The following CNOT6L variants were observed in gnomAD, a reference collection of about 807,000 sequenced individuals.
The protein encoded by CNOT6L is CCR4-NOT transcription complex subunit 6 like.
A neutral mutation model predicts 64.0 loss-of-function variants in CNOT6L; 7 were observed. That is an observed-to-expected ratio of 0.11 (90% CI 0.06 to 0.21). CNOT6L has a LOEUF of 0.21. Ranked by LOEUF, CNOT6L falls within the 10% of genes least tolerant of loss-of-function variation. CNOT6L has a pLI of 1.00. For missense variants in CNOT6L, 245 were observed against 669.0 expected, an observed-to-expected ratio of 0.37 and a Z score of 6.99; for synonymous variants, 193 against 243.4, an observed-to-expected ratio of 0.79 and a Z score of 1.93.
intron 9 of CNOT6L, among the ~76,000 whole-genome samples, chr4:77,731,041 C>G (rs1048779006): frequency 6.6e-6 from 1 of 152,012 alleles, no homozygotes. Flanking sequence ...CACACTCAAG[C>G]TAAAAATATA....
intron 1 of CNOT6L, among the ~76,000 whole-genome samples, chr4:77,779,287 C>A (rs1728578491): frequency 6.6e-6 from 1 of 151,888 alleles, no homozygotes; most frequent in Non-Finnish European, 1.5e-5. Context: ...AATCTGCCAC[C>A]TTCCTCCCTT....
chr4:77,736,228 T>C lies in CNOT6L; in HGVS notation c.873-4690A>G, dbSNP rs141787661. Among the ~76,000 whole-genome samples the C allele has an allele frequency of 2.6e-5, 4 of 152,246 alleles. No homozygotes were observed. The East Asian group carries it at 7.7e-4, about 29-fold the overall frequency. Reference sequence around the variant, plus strand: ...TTTATCACTTCAGCTTCACCAAGGGTTGAAAAACCAAAGAGAGAGTTGAAA... The same window carrying C: ...TTTATCACTTCAGCTTCACCAAGGGCTGAAAAACCAAAGAGAGAGTTGAAA... On this transcript the variant is annotated intron_variant, in intron 8 of 11. Coordinates refer to ENST00000504123, the MANE Select transcript of CNOT6L (RefSeq NM_144571.3).
chr4:77,788,014 T>C (rs1056967687), intron 1 of CNOT6L, among the ~76,000 whole-genome samples: 1 of 152,222 alleles, frequency 6.6e-6, no homozygotes, highest in Non-Finnish European at 1.5e-5. Flanking sequence ...AATACTAGTA[T>C]CATAAATCTG....
intron 4 of CNOT6L, among the ~76,000 whole-genome samples, chr4:77,769,542 T>C (rs1228462892): frequency 6.6e-6 from 1 of 152,162 alleles, no homozygotes; most frequent in East Asian, 1.9e-4. Flanking sequence ...TACTAGACTG[T>C]TCTTTTTCTT....
At chr4:77,807,832 T>C (rs1368032392) in intron 1 of CNOT6L, among the ~76,000 whole-genome samples, 1 of 152,208 alleles carries the variant, frequency 6.6e-6, no homozygotes, top group Non-Finnish European at 1.5e-5. Flanking sequence ...ATGGCCTCAA[T>C]CTGTCACTTA....
At chr4:77,722,542 G>A (rs547446435) in intron 11 of CNOT6L, among the ~76,000 whole-genome samples, 70 of 152,258 alleles carry the variant, frequency 4.6e-4, no homozygotes, top group African/African-American at 1.5e-3. Flanking sequence ...CAGCCTGGGC[G>A]ACAAACCCTC....
At chr4:77,774,886 C>T (rs1727988139) in intron 2 of CNOT6L, among the ~76,000 whole-genome samples, 170 bp from the exon 3 acceptor site, 1 of 152,132 alleles carries the variant, frequency 6.6e-6, no homozygotes, top group South Asian at 2.1e-4. Context: ...CACACCTGGC[C>T]CTCCTTTACG....
chr4:77,774,451 A>T, intron 3 of CNOT6L, 79 bp downstream of exon 3: 1 of 1,123,440 alleles, frequency 8.9e-7, no homozygotes, highest in South Asian at 1.6e-5. Context: ...CAGAAATCCT[A>T]CTGTAATAAA....
chr4:77,758,334 C>A (rs1305286533), intron 4 of CNOT6L, among the ~76,000 whole-genome samples: 1 of 151,956 alleles, frequency 6.6e-6, no homozygotes, highest in Non-Finnish European at 1.5e-5. Context: ...TTAGACACAG[C>A]TGAAAAGAAA....
chr4:77,735,389 T>G (rs1416756215), intron 8 of CNOT6L, among the ~76,000 whole-genome samples: 1 of 152,186 alleles, frequency 6.6e-6, no homozygotes, highest in Non-Finnish European at 1.5e-5. Context: ...TGAAGAAAAC[T>G]GAGGCTGGGC....
At chr4:77,758,258 C>T (rs1473559083) in intron 4 of CNOT6L, among the ~76,000 whole-genome samples, 3 of 151,946 alleles carry the variant, frequency 2.0e-5, no homozygotes, top group Non-Finnish European at 4.4e-5. Flanking sequence ...GGATATTTTA[C>T]TGAATGTAAT....
intron 5 of CNOT6L, among the ~76,000 whole-genome samples, chr4:77,750,662 G>GT (rs750221476): frequency 3.3e-5 from 5 of 152,086 alleles, no homozygotes; most frequent in Admixed American, 6.6e-5. Flanking sequence ...CTAAAGTCAG[G>GT]TTTTTTAAAG....
chr4:77,738,865 A>C (rs558492543), intron 8 of CNOT6L, among the ~76,000 whole-genome samples: 24 of 152,314 alleles, frequency 1.6e-4, no homozygotes, highest in African/African-American at 5.5e-4. Flanking sequence ...TTTGGAACGT[A>C]AATAATACTT....
At chr4:77,819,859 G>C (rs1218224440), upstream of CNOT6L, among the ~76,000 whole-genome samples, 1 of 151,538 alleles carries the variant, frequency 6.6e-6, no homozygotes, top group African/African-American at 2.4e-5. Context: ...GGGTCGGGAA[G>C]GGGGACGAGG....
intron 8 of CNOT6L, among the ~76,000 whole-genome samples, chr4:77,741,655 G>A (rs1274902783): frequency 4.6e-5 from 7 of 152,096 alleles, no homozygotes; most frequent in Non-Finnish European, 8.8e-5. Flanking sequence ...TAGGAACTAT[G>A]TCTTGACTAT....
At chr4:77,791,212 G>A (rs1256935030) in intron 1 of CNOT6L, among the ~76,000 whole-genome samples, 1 of 152,124 alleles carries the variant, frequency 6.6e-6, no homozygotes, top group East Asian at 1.9e-4. Flanking sequence ...GGAAGTGGGA[G>A]CTGCAGTGCG....
In CNOT6L at chr4:77,717,568, A is replaced by G. The variant is rs1406951039; in HGVS notation, c.*2863T>C. ...CATTCTGATAACTAGAAAGTATATG[A>G]GCATATATATTTTACTTTCATTGAA... On this transcript the variant is annotated 3_prime_UTR_variant, in exon 12 of 12. Coordinates refer to ENST00000504123, the MANE Select transcript of CNOT6L (RefSeq NM_144571.3). 4 of 152,386 alleles carry G rather than the reference A, an allele frequency of 2.6e-5. No individual in the cohort carries two copies. Among genetic ancestry groups the G allele is most frequent in the African/African-American group, 9.7e-5 (4 of 41,432 alleles). 9.4% of individuals were successfully genotyped at this position (152,386 alleles called of 1,614,324 possible). A position where few individuals can be genotyped will look rare whatever the true frequency, so the allele number is the denominator to read the frequency against.
chr4:77,800,562 T>C (rs1250258463), intron 1 of CNOT6L, among the ~76,000 whole-genome samples: 3 of 152,072 alleles, frequency 2.0e-5, no homozygotes, highest in Middle Eastern at 3.2e-3. Flanking sequence ...TTTTGAACAA[T>C]ATGAAAGTCT....
Position 77,743,586 on chromosome 4 carries a change from C to CTTTT in CNOT6L, c.717+1128_717+1131dup, listed in dbSNP as rs142888128. ...GAATGTGTGAAATTGTAACACACAACTTTTTTTTTTTTTTTTTTTTTTTTT... is the reference window on the plus strand; with the variant it reads ...GAATGTGTGAAATTGTAACACACAACTTTTTTTTTTTTTTTTTTTTTTTTTTTTT... On this transcript the variant is annotated intron_variant, in intron 7 of 11. Transcript: ENST00000504123. Among the ~76,000 whole-genome samples, 237 of 70,874 alleles carry CTTTT rather than the reference C, an allele frequency of 3.3e-3. 29 individuals are homozygous for CTTTT. Among genetic ancestry groups the CTTTT allele is most frequent in the South Asian group, 4.1e-3 (8 of 1,952 alleles). 46.5% of individuals were successfully genotyped at this position (70,874 alleles called of 152,430 possible). A position where few individuals can be genotyped will look rare whatever the true frequency, so the allele number is the denominator to read the frequency against.
Sources: allele counts gnomAD v4.1 joint callset (sites outside exome capture counted in the v4.1 genomes callset), GRCh38; gene constraint gnomAD v4.1.1; transcripts MANE v1.5; gene names NCBI Gene and HGNC (gene_info 2026-07-23, HGNC 2026-07-21).